LIMS1: variants seen among roughly 807,000 people sequenced by gnomAD.
LIMS1 encodes LIM zinc finger domain containing 1.
Under a neutral mutation model 44.1 loss-of-function variants are expected in LIMS1, and 18 were observed. The ratio of observed to expected loss-of-function variants is 0.41; its 90% CI spans 0.28 to 0.61. LIMS1 has a LOEUF of 0.61. Among genes scored for constraint, LIMS1 ranks in the 20% least tolerant of loss-of-function variants. The pLI, the probability that LIMS1 is intolerant of heterozygous loss-of-function variation, is 0.32. For synonymous variants in LIMS1, 93 were observed against 149.1 expected (o/e 0.62, Z 2.74); for missense variants, 201 against 422.0 (o/e 0.48, Z 4.59).
intron 2 of LIMS1, among the ~76,000 whole-genome samples, chr2:108,663,854 G>C (rs528506885): frequency 6.6e-6 from 1 of 151,804 alleles, no homozygotes. Flanking sequence ...TTGCGGCCTC[G>C]AGTGCTTCTC....
intron 1 of LIMS1, among the ~76,000 whole-genome samples, chr2:108,632,004 T>A (rs1688958359): frequency 6.6e-6 from 1 of 152,164 alleles, no homozygotes. Context: ...GCAGTTTCCC[T>A]CTTGTCACCC....
intron 1 of LIMS1, among the ~76,000 whole-genome samples, chr2:108,550,131 A>G (rs1411289626): frequency 6.6e-6 from 1 of 152,190 alleles, no homozygotes; most frequent in Non-Finnish European, 1.5e-5. Flanking sequence ...GAAACTATAA[A>G]TATGGTATGA....
At chr2:108,677,860 T>C in intron 7 of LIMS1, 119 bp from the exon 8 acceptor site, 12 of 1,488,770 alleles carry the variant, frequency 8.1e-6, no homozygotes, top group Non-Finnish European at 1.1e-5. Flanking sequence ...CAAAGAACTT[T>C]TACTAAATTT....
chr2:108,650,615 A>G (rs1243119554), intron 1 of LIMS1, among the ~76,000 whole-genome samples: 1 of 151,950 alleles, frequency 6.6e-6, no homozygotes, highest in Non-Finnish European at 1.5e-5. Flanking sequence ...ACAGGGTTTC[A>G]TCATGTTGGC....
intron 1 of LIMS1, among the ~76,000 whole-genome samples, chr2:108,629,495 A>G (rs987903140): frequency 6.6e-5 from 10 of 152,250 alleles, no homozygotes; most frequent in Non-Finnish European, 1.3e-4. Flanking sequence ...TGATTCTCAC[A>G]AGAACAGATG....
At chr2:108,585,404 T>C (rs1269312079) in intron 1 of LIMS1, among the ~76,000 whole-genome samples, 2 of 151,504 alleles carry the variant, frequency 1.3e-5, no homozygotes, top group African/African-American at 4.8e-5. Context: ...CACATTAAGA[T>C]GAAGAATTGG....
intron 1 of LIMS1, among the ~76,000 whole-genome samples, chr2:108,608,367 G>A (rs1467870117): frequency 2.0e-5 from 3 of 150,700 alleles, no homozygotes; most frequent in Non-Finnish European, 3.0e-5. Flanking sequence ...GTGCAATGGC[G>A]TGATCTCGGC....
intron 1 of LIMS1, among the ~76,000 whole-genome samples, chr2:108,639,710 CA>C (rs1288329203): frequency 6.6e-6 from 1 of 152,200 alleles, no homozygotes; most frequent in South Asian, 2.1e-4. Flanking sequence ...TTTGGCCTCC[CA>C]AAGTGCTGGG....
intron 1 of LIMS1, among the ~76,000 whole-genome samples, chr2:108,544,875 C>G (rs1684434138): frequency 6.6e-6 from 1 of 152,168 alleles, no homozygotes; most frequent in Admixed American, 6.5e-5. Context: ...TGTGTCATAT[C>G]ATAGAGATTT....
At chr2:108,634,987 C>T (rs1689138791) in intron 1 of LIMS1, among the ~76,000 whole-genome samples, 2 of 152,162 alleles carry the variant, frequency 1.3e-5, no homozygotes, top group Admixed American at 1.3e-4. Context: ...CAGAGGAACC[C>T]AGGAGCTCAC....
chr2:108,670,381 G>A (rs1692085190), intron 2 of LIMS1, among the ~76,000 whole-genome samples: 1 of 151,290 alleles, frequency 6.6e-6, no homozygotes, highest in African/African-American at 2.4e-5. Context: ...TGAGGTTACA[G>A]TGAGAATTAC....
At chr2:108,551,419 TTATA>T (rs935182396) in intron 1 of LIMS1, among the ~76,000 whole-genome samples, 33 of 144,582 alleles carry the variant, frequency 2.3e-4, no homozygotes, top group Non-Finnish European at 4.7e-4. Flanking sequence ...TATAATATAA[TTATA>T]TAGTTAAGTA....
chr2:108,638,952 A>G (rs1689470969), intron 1 of LIMS1, among the ~76,000 whole-genome samples: 2 of 152,108 alleles, frequency 1.3e-5, no homozygotes, highest in Admixed American at 6.5e-5. Context: ...CTGAGGCAGG[A>G]GAATGGTGTG....
rs574319073 is a variant in LIMS1 at position 108,675,061 on chromosome 2, A to G, written c.531-817A>G. On this transcript the variant is annotated intron_variant, in intron 5 of 9. Coordinates refer to ENST00000544547, the Ensembl canonical transcript of LIMS1. ...AAAATAAACCTATTAACCTATAACTATTTTCAACAGCTTGTGACAATTTAA... is the reference window on the plus strand; with the variant it reads ...AAAATAAACCTATTAACCTATAACTGTTTTCAACAGCTTGTGACAATTTAA... Among the ~76,000 whole-genome samples the G allele has an allele frequency of 1.2e-4, 18 of 152,142 alleles. 1 individual carries two copies. In the South Asian group the frequency reaches 2.3e-3, roughly 19 times the overall value.
intron 1 of LIMS1, among the ~76,000 whole-genome samples, chr2:108,636,609 A>G (rs1689269321): frequency 6.6e-6 from 1 of 152,226 alleles, no homozygotes; most frequent in South Asian, 2.1e-4. Flanking sequence ...ACCTAGCAAT[A>G]TCCCAGTGAT....
At chr2:108,657,486 T>C (rs568195043) in intron 1 of LIMS1, among the ~76,000 whole-genome samples, 1,280 of 151,428 alleles carry the variant, frequency 8.5e-3, no homozygotes, top group African/African-American at 0.03. Flanking sequence ...ATGTGGAGCT[T>C]ACCGTGCTCC....
chr2:108,538,174 A>G (rs1422710079), intron 1 of LIMS1, among the ~76,000 whole-genome samples: 1 of 152,212 alleles, frequency 6.6e-6, no homozygotes, highest in Non-Finnish European at 1.5e-5. Context: ...ATTTTAAGAC[A>G]CTTGAGAAGC....
chr2:108,588,238 C>A, intron 1 of LIMS1: 1 of 621,800 alleles, frequency 1.6e-6, no homozygotes, highest in Non-Finnish European at 2.0e-6. Flanking sequence ...TATCGTGTAA[C>A]ACACCATGTC....
At chr2:108,681,698 A>T in intron 9 of LIMS1, 1 of 551,932 alleles carries the variant, frequency 1.8e-6, no homozygotes, top group Non-Finnish European at 2.3e-6. Flanking sequence ...GAGTGGAAGG[A>T]TTGCCTGAGC....
Sources: gnomAD v4.1 joint callset for allele counts (sites outside exome capture counted in the v4.1 genomes callset) on GRCh38, gnomAD v4.1.1 for gene constraint, MANE v1.5 for transcripts, NCBI Gene and HGNC (gene_info 2026-07-23, HGNC 2026-07-21) for gene names.